PIK3C2A: variants seen among roughly 807,000 people sequenced by gnomAD.
PIK3C2A encodes the protein phosphatidylinositol-4-phosphate 3-kinase catalytic subunit type 2 alpha.
A neutral mutation model predicts 204.5 loss-of-function variants in PIK3C2A; 97 were observed. The observed-to-expected ratio is 0.47, with a 90% CI of 0.40 to 0.56. The LOEUF is 0.56. PIK3C2A is among the 20% of genes least tolerant of loss of function. The pLI is 0.00. For synonymous variants in PIK3C2A, 653 were observed against 664.4 expected, an observed-to-expected ratio of 0.98 and a Z score of 0.26; for missense variants, 1,735 against 1,969.2, an observed-to-expected ratio of 0.88 and a Z score of 2.25.
intron 1 of PIK3C2A, among the ~76,000 whole-genome samples, chr11:17,187,605 A>G (rs918595363): frequency 1.3e-5 from 2 of 152,276 alleles, no homozygotes; most frequent in Admixed American, 1.3e-4. Flanking sequence ...TTGGAGAAGT[A>G]TGAAAAACTA....
chr11:17,166,979 C>CT (rs371006174), intron 2 of PIK3C2A, among the ~76,000 whole-genome samples: 451 of 151,252 alleles, frequency 3.0e-3, no homozygotes, highest in Non-Finnish European at 4.0e-3. Context: ...CCAACTGCCC[C>CT]TTTTTTTTTG....
At chr11:17,116,034 T>C (rs34724588) in intron 19 of PIK3C2A, among the ~76,000 whole-genome samples, 36,185 of 151,858 alleles carry the variant, frequency 0.24, 5,318 homozygotes, top group East Asian at 0.38. Flanking sequence ...AAGAAAAAAA[T>C]AGATAAACTG....
Position 17,102,825 on chromosome 11 carries a change from C to T in PIK3C2A, c.3688G>A (p.Glu1230Lys). 1 of 1,580,504 alleles carries T rather than the reference C, an allele frequency of 6.3e-7. No individual in the cohort carries two copies. The highest frequency in any genetic ancestry group is 8.6e-7 in the Non-Finnish European group (1 of 1,164,026). The change falls in exon 24 of 33, where the codon GAG (glutamate) becomes AAG (lysine). Residue 1230 changes from glutamate (E) to lysine (K), a missense_variant. Glu to Lys is a moderately conservative substitution (Grantham distance 56). This residue lies in a region of PIK3C2A where 503 missense variants were observed against 669.0 expected (regional missense o/e 0.75). Transcript: ENST00000691414. ...CCAGCACAGGAATAGATAAAGTTCT[C>T]TGAAGCCTATAAAAAACATACACAA... The part of the protein sequence containing the change: ...PSEEEYEKAS[E>K]NFIYSCAGCC...
chr11:17,128,154 G>A (rs979639801), intron 13 of PIK3C2A, among the ~76,000 whole-genome samples: 6 of 151,526 alleles, frequency 4.0e-5, no homozygotes, highest in African/African-American at 1.5e-4. Flanking sequence ...ATAAGTGTTT[G>A]TTATTATAGT....
At chr11:17,155,736 G>A (rs1309981073) in intron 2 of PIK3C2A, 107 bp from the exon 3 acceptor site, 6 of 555,370 alleles carry the variant, frequency 1.1e-5, no homozygotes, top group African/African-American at 1.9e-5. Flanking sequence ...AAGCAATGGA[G>A]GTAAAATAAA....
At chr11:17,094,154 A>G in intron 28 of PIK3C2A, 107 bp downstream of exon 28, 1 of 750,038 alleles carries the variant, frequency 1.3e-6, no homozygotes, top group Non-Finnish European at 2.1e-6. Flanking sequence ...AATAAGCCAC[A>G]CATGGCCGAT....
At position 17,148,807 on chromosome 11, in the gene PIK3C2A, T is replaced by C. The variant is rs773561732; in HGVS notation, c.1328-20A>G. On this transcript the variant is annotated intron_variant, in intron 4 of 32. Transcript: ENST00000691414. Reference sequence around the variant, plus strand: ...AACTCACTGTAAAAGAGTTAGTCATTATTTTCACTTTGCTCATTTATATTT... The same window carrying C: ...AACTCACTGTAAAAGAGTTAGTCATCATTTTCACTTTGCTCATTTATATTT... The C allele has an allele frequency of 6.3e-7, 1 of 1,595,484 alleles. No homozygotes were observed. The highest frequency in any genetic ancestry group is 1.1e-5 in the South Asian group (1 of 89,908).
intron 20 of PIK3C2A, among the ~76,000 whole-genome samples, 174 bp from the exon 21 acceptor site, chr11:17,112,840 C>T (rs924179111): frequency 1.3e-5 from 2 of 152,078 alleles, no homozygotes; most frequent in African/African-American, 4.8e-5. Context: ...GGCTGGAATG[C>T]AGTGATGCAA....
intron 13 of PIK3C2A, among the ~76,000 whole-genome samples, chr11:17,124,070 T>C (rs1849444513): frequency 6.6e-6 from 1 of 152,154 alleles, no homozygotes; most frequent in Non-Finnish European, 1.5e-5. Context: ...GGCCTCACTC[T>C]GTCGCCCTGG....
At chr11:17,114,280 T>C in intron 20 of PIK3C2A, 81 bp downstream of exon 20, 1 of 730,162 alleles carries the variant, frequency 1.4e-6, no homozygotes, top group Admixed American at 2.0e-5. Context: ...TACCTTCATT[T>C]GCCTTAAGCA....
chr11:17,182,522 T>G (rs1851599483), intron 1 of PIK3C2A, among the ~76,000 whole-genome samples: 1 of 144,942 alleles, frequency 6.9e-6, no homozygotes, highest in Non-Finnish European at 1.5e-5. Context: ...TGAGTCAAGA[T>G]CATTCACTGT....
chr11:17,187,502 CCCCATAAAGAAACCCTGCA>C (rs1305705100), intron 1 of PIK3C2A, among the ~76,000 whole-genome samples: 1 of 152,126 alleles, frequency 6.6e-6, no homozygotes, highest in Non-Finnish European at 1.5e-5. Context: ...ACTTTCATCA[CCCCATAAAGAAACCCTGCA>C]CCCATTAGCA....
intron 27 of PIK3C2A, among the ~76,000 whole-genome samples, chr11:17,096,571 A>G (rs1848462295): frequency 6.6e-6 from 1 of 151,760 alleles, no homozygotes; most frequent in South Asian, 2.1e-4. Flanking sequence ...CAGTAGTAAA[A>G]TAGCTTTTTA....
intron 1 of PIK3C2A, among the ~76,000 whole-genome samples, chr11:17,205,640 T>C (rs1434030436): frequency 2.6e-5 from 4 of 152,178 alleles, no homozygotes; most frequent in African/African-American, 9.7e-5. Context: ...TGTGCTTACT[T>C]AAATGCAAAA....
intron 9 of PIK3C2A, among the ~76,000 whole-genome samples, chr11:17,135,719 AT>A (rs2091365170): frequency 6.9e-6 from 1 of 144,594 alleles, no homozygotes; most frequent in East Asian, 2.0e-4. Context: ...GTGTGTGTGT[AT>A]AAGTTTCTAA....
intron 1 of PIK3C2A, among the ~76,000 whole-genome samples, chr11:17,202,581 A>T (rs1852426920): frequency 6.6e-6 from 1 of 152,150 alleles, no homozygotes; most frequent in African/African-American, 2.4e-5. Flanking sequence ...CTCAAAAAAA[A>T]AAAAGAACAG....
chr11:17,113,949 G>A (rs1035313088), intron 20 of PIK3C2A, among the ~76,000 whole-genome samples: 11 of 150,700 alleles, frequency 7.3e-5, no homozygotes, highest in Non-Finnish European at 1.0e-4. Context: ...GCATGGTGGC[G>A]TGTGCCTGTA....
chr11:17,118,666 TG>T lies in PIK3C2A; in HGVS notation c.3013del (p.Gln1005ArgfsTer2). ...FLLSRALGNI[Q>X]IAHNLYWLLK... ...TTACCAATATAAATTGTGTGCTATC[TG>T]GATATTTCCCAATGCCCTGGACAAA... On this transcript the variant is annotated frameshift_variant, in exon 18 of 33. Coordinates refer to ENST00000691414, the MANE Select transcript of PIK3C2A (RefSeq NM_002645.4). LOFTEE classifies it high-confidence loss of function. 6.7e-7 allele frequency: 1 copy of T among 1,498,700 alleles called. No individual in the cohort carries two copies. Among genetic ancestry groups the T allele is most frequent in the Non-Finnish European group, 9.3e-7 (1 of 1,078,996 alleles). The allele number at this position is 1,498,700 out of a possible 1,614,324, so 92.8% of individuals were successfully genotyped here. A position where few individuals can be genotyped will look rare whatever the true frequency, so the allele number is the denominator to read the frequency against.
At chr11:17,203,670 C>CT (rs1054748440) in intron 1 of PIK3C2A, among the ~76,000 whole-genome samples, 1 of 152,012 alleles carries the variant, frequency 6.6e-6, no homozygotes, top group Non-Finnish European at 1.5e-5. Flanking sequence ...GCCTCTAGAT[C>CT]TTTTTTGTGG....
Sources: gnomAD v4.1 joint callset for allele counts (sites outside exome capture counted in the v4.1 genomes callset) on GRCh38, gnomAD v4.1.1 for gene constraint, gnomAD v4.1.1 regional missense constraint, MANE v1.5 for transcripts, NCBI Gene and HGNC (gene_info 2026-07-23, HGNC 2026-07-21) for gene names.